SH2B2: variants seen among roughly 807,000 people sequenced by gnomAD.
SH2B2 encodes SH2B adaptor protein 2.
SH2B2 carries 37 observed loss-of-function variants against 35.7 expected under a neutral mutation model. The observed-to-expected ratio is 1.04, with a 90% CI of 0.80 to 1.36. The LOEUF (loss-of-function observed/expected upper bound fraction) is 1.36, where lower values mean the gene tolerates loss of function less well. Among genes scored for constraint, SH2B2 ranks in the 40% most tolerant of loss-of-function variants. The pLI, the probability that SH2B2 is intolerant of heterozygous loss-of-function variation, is 0.00. For missense variants in SH2B2, 852 were observed against 817.7 expected (o/e 1.04, Z -0.51); for synonymous variants, 383 against 376.4 (o/e 1.02, Z -0.20).
At chr7:102,311,701 G>A (rs1793628542) in intron 4 of SH2B2, among the ~76,000 whole-genome samples, 1 of 151,900 alleles carries the variant, frequency 6.6e-6, no homozygotes, top group Admixed American at 6.6e-5. Flanking sequence ...GTGCTTAGCT[G>A]CACAAGGCAG....
chr7:102,308,334 C>T (rs1327820083), intron 3 of SH2B2, among the ~76,000 whole-genome samples: 3 of 152,264 alleles, frequency 2.0e-5, no homozygotes, highest in African/African-American at 4.8e-5. Flanking sequence ...CTCCTGCCCT[C>T]TTCCCCTTCA....
At chr7:102,298,290 C>A (rs963395417) in intron 1 of SH2B2, among the ~76,000 whole-genome samples, 4 of 152,104 alleles carry the variant, frequency 2.6e-5, no homozygotes, top group Non-Finnish European at 4.4e-5. Context: ...GTTTTTGAGT[C>A]AGAGTCTCTA....
chr7:102,300,740 C>G lies in SH2B2; in HGVS notation c.190C>G (p.His64Asp). 6.5e-7 allele frequency: 1 copy of G among 1,540,276 alleles called. No homozygotes were observed. The highest frequency in any genetic ancestry group is 8.8e-7 in the Non-Finnish European group (1 of 1,139,878). The part of the protein sequence containing the change: ...TPDAGASFSR[H>D]FAANFLDVFG... The stretch of plus-strand genomic sequence containing the variant: ...CGACGCCGGCGCCTCCTTCTCCCGC[C>G]ACTTCGCCGCCAACTTCCTGGACGT... Residue 64 changes from histidine (H) to aspartate (D), a missense_variant, in exon 2 of 9, where the codon CAC (histidine) becomes GAC (aspartate). His to Asp is a moderately conservative substitution (Grantham distance 81). Transcript: ENST00000444095.
At chr7:102,299,197 CTT>C (rs71123035) in intron 1 of SH2B2, among the ~76,000 whole-genome samples, 52 of 24,632 alleles carry the variant, frequency 2.1e-3, no homozygotes, top group African/African-American at 9.4e-3. Context: ...CCGCGCCTGG[CTT>C]TTTTTTTTTT....
Position 102,316,958 on chromosome 7 carries a change from A to G in SH2B2, c.1187-229A>G, listed in dbSNP as rs183308401. On this transcript the variant is annotated intron_variant, in intron 6 of 8. Coordinates refer to ENST00000444095, the MANE Select transcript of SH2B2 (RefSeq NM_001359228.2). Reference sequence around the variant, plus strand: ...CGCTTGAACCCGGAAGGCAGAGGTTACAGTCAGCCACCGGGATTGCAGCAT... The same window carrying G: ...CGCTTGAACCCGGAAGGCAGAGGTTGCAGTCAGCCACCGGGATTGCAGCAT... 126 of 430,246 alleles carry G rather than the reference A, an allele frequency of 2.9e-4. 1 individual carries two copies. Among genetic ancestry groups the G allele is most frequent in the African/African-American group, 2.3e-3 (114 of 49,940 alleles). The allele number at this position is 430,246 out of a possible 1,614,324, so 26.7% of individuals were successfully genotyped here.
At chr7:102,290,769 A>AC (rs1369987960) in intron 1 of SH2B2, among the ~76,000 whole-genome samples, 4 of 152,244 alleles carry the variant, frequency 2.6e-5, no homozygotes, top group Non-Finnish European at 4.4e-5. Context: ...GGCATGGCCC[A>AC]CTGAAATGTG....
Position 102,317,192 on chromosome 7 carries a change from C to CA in SH2B2, c.1193dup (p.Ala400CysfsTer8), listed in dbSNP as rs1373149053. The CA allele has an allele frequency of 6.3e-7, 1 of 1,597,226 alleles. No individual in the cohort carries two copies. Among genetic ancestry groups the CA allele is most frequent in the Non-Finnish European group, 8.5e-7 (1 of 1,171,252 alleles). On this transcript the variant is annotated frameshift_variant, in exon 7 of 9. Transcript: ENST00000444095. LOFTEE classifies it high-confidence loss of function. ...CACTGTCATCCCCACCTCAGGGGAA[C>CA]AGGGTGCAGAGACGGATCCCGAGGC... is the stretch of plus-strand genomic sequence containing the variant.
Position 102,321,615 on chromosome 7 carries a change from G to A in SH2B2, c.1884G>A (p.Gln628=), listed in dbSNP as rs1335927048. 5 of 1,157,444 alleles carry A rather than the reference G, an allele frequency of 4.3e-6. No homozygotes were observed. In the East Asian group the frequency reaches 1.7e-4, roughly 39 times the overall value. The allele number at this position is 1,157,444 out of a possible 1,614,324, so 71.7% of individuals were successfully genotyped here. A position where few individuals can be genotyped will look rare whatever the true frequency, so the allele number is the denominator to read the frequency against. Residue 628 remains glutamine (Q), a synonymous_variant, in exon 9 of 9, where the codon CAG becomes CAA. Coordinates refer to ENST00000444095, the MANE Select transcript of SH2B2 (RefSeq NM_001359228.2). ...APGRARAVEN[Q]YSFY ...GCCGCGCGCGCGCCGTGGAGAACCA[G>A]TACTCCTTCTACTAGCCCGCGGCGC...
intron 1 of SH2B2, among the ~76,000 whole-genome samples, chr7:102,299,239 C>T (rs1324434421): frequency 4.5e-5 from 4 of 89,172 alleles, no homozygotes; most frequent in Non-Finnish European, 8.8e-5. Flanking sequence ...GGCTCTGTCA[C>T]CTAGGCTGGA....
At chr7:102,306,192 T>G (rs1389011282) in intron 2 of SH2B2, among the ~76,000 whole-genome samples, 1 of 152,194 alleles carries the variant, frequency 6.6e-6, no homozygotes, top group Non-Finnish European at 1.5e-5. Context: ...GTTCAAGCGA[T>G]TCTCCTGCCT....
intron 2 of SH2B2, among the ~76,000 whole-genome samples, chr7:102,305,845 G>A (rs1027890618): frequency 6.7e-6 from 1 of 149,508 alleles, no homozygotes; most frequent in Non-Finnish European, 1.5e-5. Context: ...TTCTGGTTCT[G>A]TCCTGGACTT....
Position 102,300,568 on chromosome 7 carries a change from T to C in SH2B2, c.18T>C (p.Pro6=). Residue 6 remains proline, a synonymous_variant, in exon 2 of 9, where the codon CCT becomes CCC. Transcript: ENST00000444095. The part of the protein sequence containing the change: MNGAG[P]GPAAAAPVPV... ...CGGAAGCCATGAATGGTGCCGGCCCTGGCCCCGCCGCAGCCGCCCCGGTCC... is the reference window on the plus strand; with the variant it reads ...CGGAAGCCATGAATGGTGCCGGCCCCGGCCCCGCCGCAGCCGCCCCGGTCC... 2 of 1,547,158 alleles carry C rather than the reference T, an allele frequency of 1.3e-6. No homozygotes were observed. Among genetic ancestry groups the C allele is most frequent in the South Asian group, 2.4e-5 (2 of 84,100 alleles).
At position 102,321,374 on chromosome 7, in the gene SH2B2, C is replaced by A. The variant is rs1486773973; in HGVS notation, c.1643C>A (p.Ser548Tyr). ...GACTCGCCCGGCCAGCACTACTTCTCCAGCCTCGCCGCGGCCGCCTGCCCG... is the reference window on the plus strand; with the variant it reads ...GACTCGCCCGGCCAGCACTACTTCTACAGCCTCGCCGCGGCCGCCTGCCCG... ...WSDSPGQHYF[S>Y]SLAAAACPPA... The change falls in exon 9 of 9, where the codon TCC becomes TAC. Residue 548 changes from serine (S) to tyrosine (Y), a missense_variant. Ser to Tyr is a moderately radical substitution (Grantham distance 144). Around this residue, in one of 3 missense-constraint regions of SH2B2, gnomAD observed 556 missense variants for 514.5 expected, o/e 1.08. Transcript: ENST00000444095. 7.1e-7 allele frequency: 1 copy of A among 1,406,596 alleles called. No individual in the cohort carries two copies. 87.1% of individuals were successfully genotyped at this position (1,406,596 alleles called of 1,614,324 possible). A position where few individuals can be genotyped will look rare whatever the true frequency, so the allele number is the denominator to read the frequency against.
chr7:102,317,460 C>A, intron 7 of SH2B2, 65 bp downstream of exon 7: 1 of 1,394,972 alleles, frequency 7.2e-7, no homozygotes, highest in Non-Finnish European at 9.6e-7. Context: ...GTCATGGTGA[C>A]CCCGGTCCTG....
At chr7:102,306,960 G>T in intron 3 of SH2B2, 138 bp downstream of exon 3, 2 of 688,002 alleles carry the variant, frequency 2.9e-6, no homozygotes, top group Non-Finnish European at 5.1e-6. Flanking sequence ...GGTGTGGGGG[G>T]TTCCCAGACC....
chr7:102,300,585 C>A lies in SH2B2; in HGVS notation c.35C>A (p.Ala12Asp). The change falls in exon 2 of 9, where the codon GCC becomes GAC. Residue 12 changes from alanine (A) to aspartate (D), a missense_variant. Physicochemically the swap from Ala to Asp is moderately radical, Grantham distance 126 (BLOSUM62 -2). Transcript: ENST00000444095. Reference sequence around the variant, plus strand: ...GCCGGCCCTGGCCCCGCCGCAGCCGCCCCGGTCCCAGTCCCGGTCCCGGTC... The same window carrying A: ...GCCGGCCCTGGCCCCGCCGCAGCCGACCCGGTCCCAGTCCCGGTCCCGGTC... ...NGAGPGPAAA[A>D]PVPVPVPVPD... is the part of the protein sequence containing the mutation. The A allele has an allele frequency of 3.9e-6, 6 of 1,550,210 alleles. No individual in the cohort carries two copies. The highest frequency in any genetic ancestry group is 5.2e-6 in the Non-Finnish European group (6 of 1,146,578).
intron 1 of SH2B2, among the ~76,000 whole-genome samples, chr7:102,300,118 G>C (rs1554553242): frequency 6.6e-6 from 1 of 152,186 alleles, no homozygotes; most frequent in East Asian, 1.9e-4. Context: ...CTGCCTCTTG[G>C]GCTCAAGCAG....
In SH2B2 at chr7:102,320,443, CA is replaced by C. The variant is rs1554558158; in HGVS notation, c.1509del (p.Gly505AlafsTer143). ...HFHTHPIPLESGGSADITLRS... is the reference protein window; with the variant it reads ...HFHTHPIPLEXGGSADITLRS... ...CACACACACCCCATCCCACTGGAGT[CA>C]GGGGGCTCGGCCGACATCACCCTTC... On this transcript the variant is annotated frameshift_variant, in exon 8 of 9. Coordinates refer to ENST00000444095, the MANE Select transcript of SH2B2 (RefSeq NM_001359228.2). LOFTEE classifies it high-confidence loss of function. 2 of 1,613,700 alleles carry C rather than the reference CA, an allele frequency of 1.2e-6. No homozygotes were observed. The highest frequency in any genetic ancestry group is 1.3e-5 in the African/African-American group (1 of 74,908).
At chr7:102,315,495 AT>A (rs1218439437) in intron 6 of SH2B2, among the ~76,000 whole-genome samples, 1 of 151,802 alleles carries the variant, frequency 6.6e-6, no homozygotes, top group Non-Finnish European at 1.5e-5. Flanking sequence ...CGCCTGGCTC[AT>A]TTTTGTATTT....
Sources: allele counts gnomAD v4.1 joint callset (sites outside exome capture counted in the v4.1 genomes callset), GRCh38; gene constraint gnomAD v4.1.1; regional missense constraint gnomAD v4.1.1; transcripts MANE v1.5; gene names NCBI Gene and HGNC (gene_info 2026-07-23, HGNC 2026-07-21).